Variants in LRP12 observed in about 807,000 individuals in gnomAD.
LRP12 encodes the protein LDL receptor related protein 12.
Under a neutral mutation model 66.0 loss-of-function variants are expected in LRP12, and 14 were observed. The ratio of observed to expected loss-of-function variants is 0.21; its 90% CI spans 0.14 to 0.33. The LOEUF (loss-of-function observed/expected upper bound fraction) is 0.33, where lower values mean the gene tolerates loss of function less well. Ranked by LOEUF, LRP12 falls within the 10% of genes least tolerant of loss-of-function variation. LRP12 has a pLI of 1.00. For missense variants in LRP12, 889 were observed against 1,053.4 expected (o/e 0.84, Z 2.16); for synonymous variants, 357 against 359.1 (o/e 0.99, Z 0.07).
rs143713251 is a variant in LRP12 at position 104,516,221 on chromosome 8, T to G, written c.137-7147A>C. 6.7e-3 allele frequency among the ~76,000 whole-genome samples: 1,027 copies of G among 152,318 alleles called. 7 individuals carry two copies. The highest frequency in any genetic ancestry group is 0.011 in the Non-Finnish European group (746 of 68,022). On this transcript the variant is annotated intron_variant, in intron 2 of 6. Coordinates refer to ENST00000276654, the MANE Select transcript of LRP12 (RefSeq NM_013437.5). ...ATCCCCAAATTAAAGAGGTTCAAAATGTTTATTCAAAAGATAGCAACTTTC... is the reference window on the plus strand; with the variant it reads ...ATCCCCAAATTAAAGAGGTTCAAAAGGTTTATTCAAAAGATAGCAACTTTC...
chr8:104,552,464 G>A (rs1172417067), intron 1 of LRP12, among the ~76,000 whole-genome samples: 2 of 151,562 alleles, frequency 1.3e-5, no homozygotes, highest in Non-Finnish European at 2.9e-5. Context: ...GAGGTTGGGA[G>A]TTCGAGACCA....
At position 104,566,425 on chromosome 8, in the gene LRP12, C is replaced by T. The variant is rs117019529; in HGVS notation, c.79+22394G>A. Reference sequence around the variant, plus strand: ...CCTCCTGCCAATCAGTGGAAATGGCCAATACAATTACTAAATGCCTTTGGT... The same window carrying T: ...CCTCCTGCCAATCAGTGGAAATGGCTAATACAATTACTAAATGCCTTTGGT... On this transcript the variant is annotated intron_variant, in intron 1 of 6. Transcript: ENST00000276654. 808 of 240,452 alleles carry T rather than the reference C, an allele frequency of 3.4e-3. 1 individual carries two copies. Among genetic ancestry groups the T allele is most frequent in the Non-Finnish European group, 5.6e-3 (667 of 119,120 alleles). The allele number at this position is 240,452 out of a possible 1,614,324, so 14.9% of individuals were successfully genotyped here.
intron 1 of LRP12, among the ~76,000 whole-genome samples, chr8:104,538,132 T>G (rs528643287): frequency 7.2e-5 from 11 of 152,312 alleles, no homozygotes; most frequent in African/African-American, 2.6e-4. Flanking sequence ...GGCGTAAGCC[T>G]AGGAGTGAGG....
chr8:104,560,560 G>T (rs879623515), intron 1 of LRP12, among the ~76,000 whole-genome samples: 12 of 152,182 alleles, frequency 7.9e-5, no homozygotes, highest in Non-Finnish European at 5.9e-5. Context: ...TGACATCAAA[G>T]AATCTTGAGA....
intron 1 of LRP12, among the ~76,000 whole-genome samples, chr8:104,532,469 C>A (rs1316565028): frequency 6.6e-6 from 1 of 151,372 alleles, no homozygotes; most frequent in African/African-American, 2.4e-5. Context: ...TTAAGTATTG[C>A]GAATATTTAC....
At chr8:104,564,778 CA>C (rs1004547784) in intron 1 of LRP12, among the ~76,000 whole-genome samples, 2 of 151,514 alleles carry the variant, frequency 1.3e-5, no homozygotes, top group Non-Finnish European at 2.9e-5. Flanking sequence ...CAAAAAAATC[CA>C]AAAATTAGCT....
intron 1 of LRP12, among the ~76,000 whole-genome samples, chr8:104,548,328 A>G (rs1462563305): frequency 2.1e-4 from 2 of 9,624 alleles, no homozygotes; most frequent in Non-Finnish European, 3.1e-4. Flanking sequence ...TATATAATAT[A>G]TATTATATAA....
rs73697471 is a variant in LRP12, at chr8:104,502,544, C to T, written c.273-3025G>A. On this transcript the variant is annotated intron_variant, in intron 3 of 6. Coordinates refer to ENST00000276654, the MANE Select transcript of LRP12 (RefSeq NM_013437.5). ...CTGACACCTCAAGCTGACAAGACCA[C>T]GGTGATCTGCTTGAGTTCCAGTCAC... is the stretch of plus-strand genomic sequence containing the variant. Among the ~76,000 whole-genome samples, 967 of 152,278 alleles carry T rather than the reference C, an allele frequency of 6.4e-3. 7 individuals carry two copies. Among genetic ancestry groups the T allele is most frequent in the African/African-American group, 0.021 (860 of 41,554 alleles).
intron 2 of LRP12, among the ~76,000 whole-genome samples, chr8:104,513,759 C>T (rs1478772449): frequency 6.6e-6 from 1 of 152,170 alleles, no homozygotes; most frequent in African/African-American, 2.4e-5. Context: ...GCCAGCCAGT[C>T]CTTGATACTG....
chr8:104,502,276 G>A (rs1199108465), intron 3 of LRP12, among the ~76,000 whole-genome samples: 1 of 152,164 alleles, frequency 6.6e-6, no homozygotes, highest in Admixed American at 6.5e-5. Flanking sequence ...GGTCTCCCCT[G>A]TGATGGACAG....
intron 1 of LRP12, among the ~76,000 whole-genome samples, chr8:104,549,367 A>G (rs890637361): frequency 4.0e-5 from 6 of 149,602 alleles, no homozygotes; most frequent in African/African-American, 1.5e-4. Context: ...CTTAGAAAAC[A>G]CTTTATCCTA....
chr8:104,520,942 A>C (rs1811138862), intron 2 of LRP12, among the ~76,000 whole-genome samples: 1 of 152,056 alleles, frequency 6.6e-6, no homozygotes, highest in South Asian at 2.1e-4. Context: ...TCACTCAATG[A>C]AATGGATATA....
chr8:104,562,911 G>T (rs1811936323), intron 1 of LRP12, among the ~76,000 whole-genome samples: 1 of 152,160 alleles, frequency 6.6e-6, no homozygotes, highest in Non-Finnish European at 1.5e-5. Context: ...GATCTGGCAT[G>T]TCTGGCTCAT....
chr8:104,546,951 A>G (rs1223528877), intron 1 of LRP12, among the ~76,000 whole-genome samples: 2 of 143,114 alleles, frequency 1.4e-5, no homozygotes, highest in African/African-American at 5.3e-5. Flanking sequence ...TGTATATAAT[A>G]TATAATTATA....
At chr8:104,542,487 G>A (rs899136101) in intron 1 of LRP12, among the ~76,000 whole-genome samples, 2 of 152,164 alleles carry the variant, frequency 1.3e-5, no homozygotes, top group Admixed American at 1.3e-4. Flanking sequence ...TGAAGCACAA[G>A]TGTTTTTAAT....
intron 1 of LRP12, among the ~76,000 whole-genome samples, chr8:104,562,982 A>T (rs1474344158): frequency 6.6e-6 from 1 of 152,164 alleles, no homozygotes; most frequent in Non-Finnish European, 1.5e-5. Flanking sequence ...ATGTATAAGG[A>T]ATTAATCAGC....
Position 104,532,572 on chromosome 8 carries a change from C to T in LRP12, c.80-609G>A, listed in dbSNP as rs1442896166. 2.6e-5 allele frequency among the ~76,000 whole-genome samples: 4 copies of T among 151,974 alleles called. No homozygotes were observed. In the East Asian group the frequency reaches 7.7e-4, roughly 29 times the overall value. On this transcript the variant is annotated intron_variant, in intron 1 of 6. Transcript: ENST00000276654. ...TTAGTTCTAAAGGTTTCTCTCTTTA[C>T]CCATTAGTTGGATCTGGCATCACAA...
intron 1 of LRP12, among the ~76,000 whole-genome samples, chr8:104,576,528 G>T (rs1015526031): frequency 6.6e-6 from 1 of 152,176 alleles, no homozygotes; most frequent in African/African-American, 2.4e-5. Context: ...AAGCAAAGGA[G>T]AAATAAGATC....
chr8:104,499,895 A>G (rs144310733), intron 3 of LRP12, among the ~76,000 whole-genome samples: 1 of 152,316 alleles, frequency 6.6e-6, no homozygotes, highest in Non-Finnish European at 1.5e-5. Flanking sequence ...AATCTGATGA[A>G]TTGAAGTAAA....
Sources: allele counts gnomAD v4.1 joint callset (sites outside exome capture counted in the v4.1 genomes callset), GRCh38; gene constraint gnomAD v4.1.1; transcripts MANE v1.5; gene names NCBI Gene and HGNC (gene_info 2026-07-23, HGNC 2026-07-21).